The following BCO2 variants were observed in gnomAD, a reference collection of about 807,000 sequenced individuals.
BCO2 encodes the protein carotenoid-cleaving dioxygenase, mitochondrial.
A neutral mutation model predicts 65.8 loss-of-function variants in BCO2; 56 were observed. The observed-to-expected ratio is 0.85, with a 90% CI of 0.69 to 1.06. BCO2 has a LOEUF of 1.06. Ranked by LOEUF, BCO2 falls within the 50% of genes least tolerant of loss-of-function variation. The pLI is 0.00. For synonymous variants in BCO2, 233 were observed against 242.3 expected (o/e 0.96, Z 0.36); for missense variants, 675 against 698.5 (o/e 0.97, Z 0.38).
chr11:112,189,384 C>T (rs984416204), intron 2 of BCO2, among the ~76,000 whole-genome samples: 4 of 140,820 alleles, frequency 2.8e-5, no homozygotes, highest in African/African-American at 1.1e-4. Context: ...AAGAATTAAA[C>T]AAAATTGATA....
At chr11:112,184,511 C>T (rs1867145880) in intron 2 of BCO2, among the ~76,000 whole-genome samples, 1 of 151,994 alleles carries the variant, frequency 6.6e-6, no homozygotes, top group African/African-American at 2.4e-5. Flanking sequence ...TCTTGGCCTC[C>T]CAAAGTGCTG....
chr11:112,201,690 A>G (rs902652390), intron 7 of BCO2, among the ~76,000 whole-genome samples: 3 of 152,128 alleles, frequency 2.0e-5, no homozygotes, highest in Admixed American at 6.6e-5. Context: ...GAGTAGCAAT[A>G]TTTTCTATTT....
At chr11:112,191,081 G>A (rs1235322621) in intron 2 of BCO2, among the ~76,000 whole-genome samples, 1 of 151,412 alleles carries the variant, frequency 6.6e-6, no homozygotes, top group East Asian at 1.9e-4. Flanking sequence ...TCCAGAAACA[G>A]GAAGGGATGG....
intron 2 of BCO2, among the ~76,000 whole-genome samples, chr11:112,189,403 A>AGTTTTT (rs1566774966): frequency 7.3e-6 from 1 of 136,174 alleles, no homozygotes. Context: ...TAGAAAAGGA[A>AGTTTTT]ATTTTTTTTT....
At chr11:112,181,420 A>T in intron 2 of BCO2, 1 of 605,996 alleles carries the variant, frequency 1.7e-6, no homozygotes, top group Non-Finnish European at 3.1e-6. Context: ...TGACCTCGTG[A>T]TCCGCCCGCC....
intron 4 of BCO2, 31 bp from the exon 5 acceptor site, chr11:112,194,622 T>C: frequency 1.5e-6 from 2 of 1,339,924 alleles, no homozygotes; most frequent in Middle Eastern, 1.8e-4. Flanking sequence ...GATCTGCCCA[T>C]TAAAAATCTC....
Position 112,214,854 on chromosome 11 carries a change from C to T in BCO2, c.1425C>T (p.Gly475=). Residue 475 remains glycine, a synonymous_variant, in exon 10 of 12, where the codon GGC becomes GGT. Coordinates refer to ENST00000357685, the MANE Select transcript of BCO2 (RefSeq NM_031938.7). ...AGATCTACTATGATCGATTCAGTGG[C>T]AAAAAGTATCATTTCTTTTATGGCT... ...FPQIYYDRFS[G]KKYHFFYGCG... is the part of the protein sequence containing the mutation. The T allele has an allele frequency of 6.2e-7, 1 of 1,613,960 alleles. No individual in the cohort carries two copies. Among genetic ancestry groups the T allele is most frequent in the Non-Finnish European group, 8.5e-7 (1 of 1,179,872 alleles).
At chr11:112,209,592 C>T (rs1022384658) in intron 8 of BCO2, among the ~76,000 whole-genome samples, 1 of 152,126 alleles carries the variant, frequency 6.6e-6, no homozygotes, top group African/African-American at 2.4e-5. Flanking sequence ...TAGGAGAGTT[C>T]CCTTTTACTC....
At chr11:112,180,957 T>C in intron 2 of BCO2, 1 of 1,161,438 alleles carries the variant, frequency 8.6e-7, no homozygotes. Flanking sequence ...GATGATGTTT[T>C]GTTTGTTTGT....
chr11:112,216,289 G>T lies in BCO2; in HGVS notation c.1585G>T (p.Asp529Tyr). Reference protein sequence around the residue: ...FVPAPGTNEEDGGVILSVVIT... With the variant: ...FVPAPGTNEEYGGVILSVVIT... ...TCCAGCACCAGGAACCAATGAAGAA[G>T]ATGGTGGGGTTATTCTTTCTGTGGT... The change falls in exon 11 of 12, where the codon GAT (aspartate) becomes TAT (tyrosine). Residue 529 changes from aspartate (D) to tyrosine (Y), a missense_variant. Asp to Tyr is a radical substitution (Grantham distance 160, BLOSUM62 -3). Coordinates refer to ENST00000357685, the MANE Select transcript of BCO2 (RefSeq NM_031938.7). 1 of 1,614,160 alleles carries T rather than the reference G, an allele frequency of 6.2e-7. No individual in the cohort carries two copies.
intron 2 of BCO2, among the ~76,000 whole-genome samples, chr11:112,185,003 G>T (rs1437191720): frequency 6.6e-6 from 1 of 152,182 alleles, no homozygotes; most frequent in African/African-American, 2.4e-5. Context: ...AGTGGGAGGA[G>T]ATCAGACCTT....
intron 2 of BCO2, among the ~76,000 whole-genome samples, chr11:112,188,631 C>A (rs1867275493): frequency 6.6e-6 from 1 of 152,214 alleles, no homozygotes; most frequent in Non-Finnish European, 1.5e-5. Context: ...CTTCCATCAT[C>A]TCTGCCCTTG....
intron 2 of BCO2, chr11:112,181,057 T>C: frequency 6.8e-7 from 1 of 1,478,124 alleles, no homozygotes; most frequent in African/African-American, 1.4e-5. Flanking sequence ...CATTAAATGT[T>C]GGAGGGCGGT....
intron 2 of BCO2, among the ~76,000 whole-genome samples, chr11:112,192,214 C>A (rs931963516): frequency 9.2e-5 from 14 of 152,138 alleles, no homozygotes; most frequent in Admixed American, 2.6e-4. Flanking sequence ...TATTTCATAT[C>A]GCATAATGTC....
At chr11:112,196,915 T>TC (rs1555195364) in intron 5 of BCO2, among the ~76,000 whole-genome samples, 4 of 124,346 alleles carry the variant, frequency 3.2e-5, no homozygotes, top group African/African-American at 1.3e-4. Flanking sequence ...TTCCTTTCCT[T>TC]CCTTCCCTTC....
At chr11:112,200,426 C>T (rs1462991346) in intron 6 of BCO2, 187 bp from the exon 7 acceptor site, 6 of 516,292 alleles carry the variant, frequency 1.2e-5, no homozygotes, top group Non-Finnish European at 2.0e-5. Flanking sequence ...AAGCAGTTCC[C>T]TTTTTTATAA....
At chr11:112,193,354 T>C in intron 2 of BCO2, 120 bp from the exon 3 acceptor site, 1 of 917,020 alleles carries the variant, frequency 1.1e-6, no homozygotes, top group African/African-American at 1.7e-5. Context: ...CTAATCAGGT[T>C]GTGCTGGGAA....
intron 2 of BCO2, among the ~76,000 whole-genome samples, chr11:112,191,701 C>A (rs1046782268): frequency 2.6e-5 from 4 of 151,868 alleles, no homozygotes; most frequent in African/African-American, 9.7e-5. Context: ...AGCAACTAGC[C>A]CTACCAGATA....
chr11:112,187,668 A>G (rs954535260), intron 2 of BCO2, among the ~76,000 whole-genome samples: 2 of 152,016 alleles, frequency 1.3e-5, no homozygotes, highest in Non-Finnish European at 2.9e-5. Flanking sequence ...ACTTCCCCAC[A>G]CTTCTGATCA....
Sources: gnomAD v4.1 joint callset for allele counts (sites outside exome capture counted in the v4.1 genomes callset) on GRCh38, gnomAD v4.1.1 for gene constraint, MANE v1.5 for transcripts, NCBI Gene and HGNC (gene_info 2026-07-23, HGNC 2026-07-21) for gene names.